USP30: variants seen among roughly 807,000 people sequenced by gnomAD.
USP30 encodes ubiquitin carboxyl-terminal hydrolase 30.
Under a neutral mutation model 68.2 loss-of-function variants are expected in USP30, and 41 were observed. The observed-to-expected ratio is 0.60, with a 90% confidence interval of 0.47 to 0.78. The LOEUF (loss-of-function observed/expected upper bound fraction) is 0.78. Among genes scored for constraint, USP30 ranks in the 30% least tolerant of loss-of-function variants. The pLI is 0.00. For synonymous variants in USP30, 229 were observed against 253.7 expected (o/e 0.90, Z 0.93); for missense variants, 522 against 649.4 (o/e 0.80, Z 2.13).
chr12:109,023,486 C>G (rs1194018689), intron 1 of USP30, among the ~76,000 whole-genome samples: 1 of 152,034 alleles, frequency 6.6e-6, no homozygotes, highest in African/African-American at 2.4e-5. Context: ...AGCCAGGAAG[C>G]AGAGGTTGCA....
rs768794684 is a variant in USP30, at chr12:109,071,596, C to A, written c.481-16C>A. On this transcript the variant is annotated splice_polypyrimidine_tract_variant and intron_variant, in intron 4 of 12. Coordinates refer to ENST00000257548, the MANE Select transcript of USP30 (RefSeq NM_032663.5). Reference sequence around the variant, plus strand: ...CCTCTTCCAACCTCTCTAAAGAATGCTTTGCCCTATGACAGGATGCTCACG... The same window carrying A: ...CCTCTTCCAACCTCTCTAAAGAATGATTTGCCCTATGACAGGATGCTCACG... 7.4e-6 allele frequency: 12 copies of A among 1,611,434 alleles called. No individual in the cohort carries two copies. In the Admixed American group the frequency reaches 1.2e-4, roughly 16 times the overall value.
chr12:109,077,761 A>T (rs2041653908), intron 7 of USP30, among the ~76,000 whole-genome samples: 1 of 151,016 alleles, frequency 6.6e-6, no homozygotes, highest in South Asian at 2.1e-4. Context: ...TTAATGGAAT[A>T]CTTTTTAGTA....
At chr12:109,076,881 G>A (rs999340753) in intron 7 of USP30, among the ~76,000 whole-genome samples, 8 of 151,726 alleles carry the variant, frequency 5.3e-5, no homozygotes, top group East Asian at 3.9e-4. Context: ...ACAGGCGCCC[G>A]CCACCACGCC....
chr12:109,040,416 C>T, intron 3 of USP30, among the ~76,000 whole-genome samples: 1 of 152,144 alleles, frequency 6.6e-6, no homozygotes, highest in Non-Finnish European at 1.5e-5. Context: ...AGGAACATTG[C>T]TCCTGCTATA....
intron 7 of USP30, among the ~76,000 whole-genome samples, chr12:109,075,318 C>T (rs778230960): frequency 6.6e-6 from 1 of 152,128 alleles, no homozygotes; most frequent in Non-Finnish European, 1.5e-5. Flanking sequence ...CAAGAGTTGC[C>T]TTCTCTCCAC....
chr12:109,074,206 C>T (rs1336007022), intron 7 of USP30, among the ~76,000 whole-genome samples: 4 of 152,164 alleles, frequency 2.6e-5, no homozygotes. Flanking sequence ...TGAATCAGTA[C>T]TTTGTTCCTT....
chr12:109,082,338 CT>C (rs1243697238), intron 9 of USP30, among the ~76,000 whole-genome samples: 1 of 152,206 alleles, frequency 6.6e-6, no homozygotes, highest in Non-Finnish European at 1.5e-5. Flanking sequence ...CCTGACTCCC[CT>C]AAGTAACTTG....
At chr12:109,029,588 G>T (rs1297263381) in intron 3 of USP30, among the ~76,000 whole-genome samples, 1 of 152,150 alleles carries the variant, frequency 6.6e-6, no homozygotes, top group Non-Finnish European at 1.5e-5. Context: ...AAGTTTGGTG[G>T]TTACCCAAGA....
intron 8 of USP30, 48 bp from the exon 9 acceptor site, chr12:109,081,885 T>C: frequency 6.4e-7 from 1 of 1,562,964 alleles, no homozygotes; most frequent in Non-Finnish European, 8.8e-7. Flanking sequence ...ACAGTTTCAG[T>C]ATAGCTGTCC....
At chr12:109,078,658 A>G (rs1293833627) in intron 7 of USP30, among the ~76,000 whole-genome samples, 3 of 151,566 alleles carry the variant, frequency 2.0e-5, no homozygotes, top group Non-Finnish European at 4.4e-5. Context: ...AAATATGTTT[A>G]CCATTTTTCT....
chr12:109,077,169 GA>G (rs1187528914), intron 7 of USP30, among the ~76,000 whole-genome samples: 1 of 152,124 alleles, frequency 6.6e-6, no homozygotes, highest in Admixed American at 6.5e-5. Flanking sequence ...TGTTTATGAG[GA>G]ATATTGTTCT....
intron 4 of USP30, among the ~76,000 whole-genome samples, chr12:109,069,751 G>A (rs2041373671): frequency 6.6e-6 from 1 of 152,162 alleles, no homozygotes; most frequent in Admixed American, 6.5e-5. Context: ...ACATGGCATG[G>A]ATAGGGAGGG....
chr12:109,033,721 C>T (rs1050025656), intron 3 of USP30, among the ~76,000 whole-genome samples: 7 of 152,152 alleles, frequency 4.6e-5, no homozygotes, highest in Admixed American at 2.6e-4. Context: ...ACTCCCAGAT[C>T]CCTGGCACTG....
chr12:109,032,515 T>C (rs1368556), intron 3 of USP30, among the ~76,000 whole-genome samples: 35,177 of 152,088 alleles, frequency 0.23, 4,268 homozygotes, highest in Middle Eastern at 0.35. Flanking sequence ...CTTAAGAACA[T>C]TGTGTTAGGT....
At chr12:109,044,290 T>C (rs1270267237) in intron 3 of USP30, among the ~76,000 whole-genome samples, 3 of 152,180 alleles carry the variant, frequency 2.0e-5, no homozygotes, top group African/African-American at 7.2e-5. Context: ...AGATGGATGG[T>C]GGTGATGGTT....
At chr12:109,026,860 T>C (rs2040448786) in intron 2 of USP30, among the ~76,000 whole-genome samples, 1 of 152,172 alleles carries the variant, frequency 6.6e-6, no homozygotes, top group African/African-American at 2.4e-5. Context: ...CTTCCCAGCT[T>C]GCAGATGGCC....
At chr12:109,026,962 CTCA>C (rs1312851976) in intron 2 of USP30, among the ~76,000 whole-genome samples, 1 of 152,190 alleles carries the variant, frequency 6.6e-6, no homozygotes, top group Non-Finnish European at 1.5e-5. Flanking sequence ...AGGGCACTAT[CTCA>C]TCATGTCAGC....
intron 3 of USP30, among the ~76,000 whole-genome samples, chr12:109,033,259 G>A (rs1022060187): frequency 1.3e-4 from 20 of 152,192 alleles, no homozygotes; most frequent in African/African-American, 4.6e-4. Flanking sequence ...CCATAGACCG[G>A]GTAGTCTTCA....
rs2041972737 is a variant in USP30 at position 109,087,456 on chromosome 12, GCAGGCTCTC to G, written c.*1534_*1542del. The stretch of plus-strand genomic sequence containing the variant: ...ACTCACTCTCAACAGAATATTCTGT[GCAGGCTCTC>G]CAGGCTCTGGGCGTCAGGGTGCAAG... On this transcript the variant is annotated 3_prime_UTR_variant, in exon 13 of 13. Coordinates refer to ENST00000257548, the MANE Select transcript of USP30 (RefSeq NM_032663.5). 6.6e-6 allele frequency: 1 copy of G among 152,262 alleles called. No homozygotes were observed. Among genetic ancestry groups the G allele is most frequent in the African/African-American group, 2.4e-5 (1 of 41,444 alleles). 9.4% of individuals were successfully genotyped at this position (152,262 alleles called of 1,614,324 possible).
Sources: allele counts gnomAD v4.1 joint callset (sites outside exome capture counted in the v4.1 genomes callset), GRCh38; gene constraint gnomAD v4.1.1; transcripts MANE v1.5; gene names NCBI Gene and HGNC (gene_info 2026-07-23, HGNC 2026-07-21).